Variants in RALYL observed in about 807,000 individuals in gnomAD.
RALYL encodes the protein RNA-binding Raly-like protein.
A neutral mutation model predicts 35.1 loss-of-function variants in RALYL; 29 were observed. The ratio of observed to expected loss-of-function variants is 0.83; its 90% CI spans 0.61 to 1.13. The LOEUF (loss-of-function observed/expected upper bound fraction) is 1.13, where lower values mean the gene tolerates loss of function less well. RALYL is among the 50% of genes most tolerant of loss of function. The pLI is 0.00. For missense variants in RALYL, 359 were observed against 360.4 expected, an observed-to-expected ratio of 1.00 and a Z score of 0.03; for synonymous variants, 120 against 127.6, an observed-to-expected ratio of 0.94 and a Z score of 0.40.
chr8:84,892,548 T>C (rs1351865555), intron 8 of RALYL, among the ~76,000 whole-genome samples: 1 of 151,434 alleles, frequency 6.6e-6, no homozygotes, highest in East Asian at 1.9e-4. Flanking sequence ...AGACGGGGGT[T>C]GTTGTGAGTT....
chr8:84,545,279 A>G (rs2060280096), intron 2 of RALYL, among the ~76,000 whole-genome samples: 3 of 152,096 alleles, frequency 2.0e-5, no homozygotes, highest in East Asian at 1.9e-4. Context: ...TTTCTGTTCC[A>G]TTGGTCTGTC....
intron 6 of RALYL, chr8:84,872,987 T>G (rs1840493371): frequency 8.6e-6 from 2 of 231,596 alleles, no homozygotes; most frequent in East Asian, 1.8e-4. Flanking sequence ...TTTGTAAAAT[T>G]TAGCATCATT....
At chr8:84,742,823 C>T (rs1421585940) in intron 2 of RALYL, among the ~76,000 whole-genome samples, 1 of 152,008 alleles carries the variant, frequency 6.6e-6, no homozygotes, top group Non-Finnish European at 1.5e-5. Context: ...TGTTACCCAT[C>T]AGGCTGACTT....
At chr8:84,574,517 T>C (rs1295335829) in intron 2 of RALYL, among the ~76,000 whole-genome samples, 3 of 152,096 alleles carry the variant, frequency 2.0e-5, no homozygotes, top group Non-Finnish European at 2.9e-5. Flanking sequence ...CTCTGTCTCC[T>C]CGACCCAGAA....
intron 1 of RALYL, among the ~76,000 whole-genome samples, chr8:84,407,313 G>A (rs1187507876): frequency 6.6e-6 from 1 of 152,062 alleles, no homozygotes; most frequent in East Asian, 1.9e-4. Flanking sequence ...TCCTCATCAT[G>A]GGGAATAGTT....
chr8:84,904,343 C>T (rs184929929), intron 8 of RALYL, among the ~76,000 whole-genome samples: 2 of 152,208 alleles, frequency 1.3e-5, no homozygotes, highest in Non-Finnish European at 2.9e-5. Context: ...TGTTAACCAT[C>T]GCTAATTGAC....
intron 1 of RALYL, among the ~76,000 whole-genome samples, chr8:84,394,416 G>C (rs368755580): frequency 6.6e-6 from 1 of 152,002 alleles, no homozygotes; most frequent in Non-Finnish European, 1.5e-5. Context: ...AACACTTTGC[G>C]TACTTCCATC....
intron 3 of RALYL, among the ~76,000 whole-genome samples, chr8:84,784,873 G>C (rs1242817772): frequency 2.0e-5 from 3 of 152,140 alleles, no homozygotes; most frequent in African/African-American, 7.2e-5. Flanking sequence ...TATTTTAGAA[G>C]TTAATTAACT....
intron 3 of RALYL, among the ~76,000 whole-genome samples, chr8:84,788,337 T>C (rs1820022838): frequency 6.6e-6 from 1 of 152,244 alleles, no homozygotes; most frequent in South Asian, 2.1e-4. Flanking sequence ...GGATTCCCTA[T>C]TTAATAAATG....
At chr8:84,565,953 A>G (rs2061752600) in intron 2 of RALYL, among the ~76,000 whole-genome samples, 1 of 151,618 alleles carries the variant, frequency 6.6e-6, no homozygotes, top group Non-Finnish European at 1.5e-5. Flanking sequence ...TCTTCCTCCA[A>G]CTAAAGATGA....
At chr8:84,702,365 A>G (rs1051884448) in intron 2 of RALYL, among the ~76,000 whole-genome samples, 1 of 152,138 alleles carries the variant, frequency 6.6e-6, no homozygotes, top group Non-Finnish European at 1.5e-5. Flanking sequence ...AAATGCTCTC[A>G]ACACAACTAT....
At chr8:84,559,973 GTTT>G (rs572363653) in intron 2 of RALYL, among the ~76,000 whole-genome samples, 7 of 141,586 alleles carry the variant, frequency 4.9e-5, no homozygotes, top group Admixed American at 7.1e-5. Context: ...AATATATTAG[GTTT>G]TTTTTTTTTT....
At chr8:84,636,490 T>G (rs768550565) in intron 2 of RALYL, among the ~76,000 whole-genome samples, 1 of 151,738 alleles carries the variant, frequency 6.6e-6, no homozygotes, top group Non-Finnish European at 1.5e-5. Context: ...GAATAGTAGC[T>G]CTCCCCTTAT....
chr8:84,724,435 G>A (rs999953482), intron 2 of RALYL, among the ~76,000 whole-genome samples: 6 of 151,918 alleles, frequency 3.9e-5, no homozygotes, highest in African/African-American at 1.4e-4. Context: ...TATTTGGCTA[G>A]CCATCTACTT....
chr8:84,363,790 G>A (rs908453033), intron 1 of RALYL, among the ~76,000 whole-genome samples: 6 of 152,086 alleles, frequency 3.9e-5, no homozygotes, highest in African/African-American at 1.2e-4. Flanking sequence ...CCTGAACCCT[G>A]CAATTTTGAT....
chr8:84,853,776 CAG>C (rs1389667356), intron 5 of RALYL, among the ~76,000 whole-genome samples: 4 of 152,082 alleles, frequency 2.6e-5, no homozygotes, highest in African/African-American at 9.7e-5. Flanking sequence ...ACATAGCTTA[CAG>C]AGTCACTACT....
chr8:84,606,844 A>T (rs1445929944), intron 2 of RALYL, among the ~76,000 whole-genome samples: 1 of 152,144 alleles, frequency 6.6e-6, no homozygotes, highest in Non-Finnish European at 1.5e-5. Flanking sequence ...TATATAAGGG[A>T]AAAGCTCAGT....
Position 84,403,522 on chromosome 8 carries a change from C to CTTTTTTTTTTTTTTTTTT in RALYL, c.-23-125776_-23-125775insTTTTTTTTTTTTTTTTTT, listed in dbSNP as rs2043136000. 3.8e-5 allele frequency among the ~76,000 whole-genome samples: 2 copies of CTTTTTTTTTTTTTTTTTT among 52,118 alleles called. 1 individual carries two copies. The highest frequency in any genetic ancestry group is 1.4e-4 in the African/African-American group (2 of 14,710). 34.2% of individuals were successfully genotyped at this position (52,118 alleles called of 152,430 possible). On this transcript the variant is annotated intron_variant, in intron 1 of 8. Coordinates refer to ENST00000521268, the MANE Select transcript of RALYL (RefSeq NM_173848.7). ...TGTTCTGTTCCATTGGTCTATATCT[C>CTTTTTTTTTTTTTTTTTT]TGTTTTTTTTTTTTTTTTTTTTTTT...
chr8:84,315,351 A>T lies in RALYL; in HGVS notation c.-24+130927A>T, dbSNP rs1023649878. On this transcript the variant is annotated intron_variant, in intron 1 of 8. Transcript: ENST00000521268. ...GATAATCCCCCAATTATACTAAATGATTTGCCAAGAGTATGTTTACTTTAA... is the reference window on the plus strand; with the variant it reads ...GATAATCCCCCAATTATACTAAATGTTTTGCCAAGAGTATGTTTACTTTAA... Among the ~76,000 whole-genome samples the T allele has an allele frequency of 3.3e-5, 5 of 152,212 alleles. No individual in the cohort carries two copies. The East Asian group carries it at 5.8e-4, about 18-fold the overall frequency.
Sources: allele counts gnomAD v4.1 joint callset (sites outside exome capture counted in the v4.1 genomes callset), GRCh38; gene constraint gnomAD v4.1.1; transcripts MANE v1.5; gene names NCBI Gene and HGNC (gene_info 2026-07-23, HGNC 2026-07-21).